Variants in CDK14 observed in about 807,000 individuals in gnomAD.
The protein encoded by CDK14 is cyclin dependent kinase 14, also known as cyclin-dependent kinase 14.
CDK14 carries 34 observed loss-of-function variants against 60.7 expected under a neutral mutation model. The ratio of observed to expected loss-of-function variants is 0.56; its 90% confidence interval spans 0.43 to 0.75. The LOEUF is 0.75. Ranked by LOEUF, CDK14 falls within the 30% of genes least tolerant of loss-of-function variation. The pLI is 0.00. For missense variants in CDK14, 482 were observed against 564.1 expected, an observed-to-expected ratio of 0.85 and a Z score of 1.47; for synonymous variants, 197 against 203.7, an observed-to-expected ratio of 0.97 and a Z score of 0.28.
chr7:91,129,520 G>A (rs1408086294), intron 14 of CDK14, among the ~76,000 whole-genome samples: 1 of 152,112 alleles, frequency 6.6e-6, no homozygotes, highest in Non-Finnish European at 1.5e-5. Context: ...GAAAACTCTT[G>A]TACAGTTGTT....
At chr7:90,611,499 C>T (rs1799537182) in intron 2 of CDK14, among the ~76,000 whole-genome samples, 1 of 152,230 alleles carries the variant, frequency 6.6e-6, no homozygotes, top group Admixed American at 6.5e-5. Context: ...AAGCTAAAAA[C>T]CTGATGCTAT....
intron 12 of CDK14, chr7:91,107,558 A>T (rs138747351): frequency 7.9e-5 from 12 of 152,284 alleles, no homozygotes; most frequent in African/African-American, 2.9e-4. Context: ...TTTCTTGGAG[A>T]GGCTAGTTGT....
intron 5 of CDK14, among the ~76,000 whole-genome samples, chr7:90,818,015 T>G (rs550706221): frequency 1.3e-5 from 2 of 152,272 alleles, no homozygotes; most frequent in East Asian, 3.9e-4. Context: ...AAAGCACAGC[T>G]CTTAACACTA....
intron 6 of CDK14, among the ~76,000 whole-genome samples, chr7:90,895,364 T>TCCCCTCCCCTCC (rs1792274740): frequency 1.3e-4 from 1 of 7,472 alleles, no homozygotes; most frequent in African/African-American, 4.2e-4. Context: ...TCCTCACCTC[T>TCCCCTCCCCTCC]CCTCCCCTCC....
chr7:90,743,207 A>G (rs989809666), intron 3 of CDK14, among the ~76,000 whole-genome samples: 2 of 152,138 alleles, frequency 1.3e-5, no homozygotes, highest in Non-Finnish European at 2.9e-5. Flanking sequence ...ACATATAGAT[A>G]GTAAAATGAT....
intron 9 of CDK14, among the ~76,000 whole-genome samples, chr7:90,967,491 G>A (rs1487970070): frequency 6.6e-6 from 1 of 152,140 alleles, no homozygotes; most frequent in Non-Finnish European, 1.5e-5. Flanking sequence ...TGATTAAATA[G>A]CGTAGTAATG....
intron 3 of CDK14, among the ~76,000 whole-genome samples, chr7:90,738,781 A>G (rs1181520713): frequency 6.6e-6 from 1 of 152,166 alleles, no homozygotes; most frequent in East Asian, 1.9e-4. Flanking sequence ...GGTTGACTAC[A>G]CCTTGGTTTG....
chr7:91,061,584 G>T (rs546317262), intron 11 of CDK14, among the ~76,000 whole-genome samples: 1 of 151,988 alleles, frequency 6.6e-6, no homozygotes, highest in African/African-American at 2.4e-5. Flanking sequence ...TTTTGGTGTG[G>T]GTGTCCTTTC....
At position 90,711,856 on chromosome 7, in the gene CDK14, G is replaced by A. The variant is rs1167658014; in HGVS notation, c.124-14711G>A. ...TGGTGAGTAAAACAGATCTAGTCCT[G>A]GTTCTTATGGAACTTATAGTCTACT... is the stretch of plus-strand genomic sequence containing the variant. On this transcript the variant is annotated intron_variant, in intron 2 of 14. Coordinates refer to ENST00000380050, the MANE Select transcript of CDK14 (RefSeq NM_001287135.2). Among the ~76,000 whole-genome samples the A allele has an allele frequency of 4.7e-5, 7 of 147,744 alleles. No homozygotes were observed. In the East Asian group the frequency reaches 9.9e-4, roughly 21 times the overall value.
chr7:90,985,661 A>G (rs918992417), intron 10 of CDK14, among the ~76,000 whole-genome samples: 13 of 152,308 alleles, frequency 8.5e-5, no homozygotes, highest in South Asian at 4.1e-4. Flanking sequence ...CCTTAATGTC[A>G]GCAATAAAAT....
At chr7:90,915,115 T>C (rs1024304335) in intron 7 of CDK14, among the ~76,000 whole-genome samples, 14 of 151,506 alleles carry the variant, frequency 9.2e-5, no homozygotes, top group African/African-American at 3.4e-4. Flanking sequence ...GCATGGAAAA[T>C]AGTAGGCAAA....
chr7:91,197,035 C>T (rs533611414), intron 14 of CDK14, among the ~76,000 whole-genome samples: 19 of 152,188 alleles, frequency 1.2e-4, no homozygotes, highest in African/African-American at 4.6e-4. Context: ...CATATTAATC[C>T]TGTTGTTCCT....
chr7:91,094,286 T>C (rs1022354665), intron 12 of CDK14, among the ~76,000 whole-genome samples: 1 of 152,236 alleles, frequency 6.6e-6, no homozygotes, highest in African/African-American at 2.4e-5. Context: ...TTTAAATTCT[T>C]CAATGAGGTT....
chr7:91,112,027 T>C (rs896258881), intron 12 of CDK14, among the ~76,000 whole-genome samples: 1 of 152,230 alleles, frequency 6.6e-6, no homozygotes, highest in African/African-American at 2.4e-5. Flanking sequence ...AATATTATGA[T>C]AGTTGATATT....
At chr7:90,807,867 G>A (rs1323619699) in intron 5 of CDK14, among the ~76,000 whole-genome samples, 5 of 152,178 alleles carry the variant, frequency 3.3e-5, no homozygotes, top group African/African-American at 1.2e-4. Flanking sequence ...GGGTATCAGT[G>A]ATGGAAGATC....
chr7:90,913,747 G>A (rs1562825726), intron 7 of CDK14, among the ~76,000 whole-genome samples: 1 of 152,164 alleles, frequency 6.6e-6, no homozygotes, highest in Non-Finnish European at 1.5e-5. Context: ...TAGGATAAGA[G>A]TTCAGTTAAT....
chr7:90,937,156 T>C (rs1793782439), intron 8 of CDK14, among the ~76,000 whole-genome samples: 1 of 152,158 alleles, frequency 6.6e-6, no homozygotes. Flanking sequence ...TGAGTAATAT[T>C]TAAGAATAAG....
chr7:90,650,800 G>C (rs1369840684), intron 2 of CDK14, among the ~76,000 whole-genome samples: 2 of 152,060 alleles, frequency 1.3e-5, no homozygotes, highest in Admixed American at 6.6e-5. Context: ...GGCCTCTGTT[G>C]TGTTCCATTA....
chr7:91,183,156 A>G (rs575061640), intron 14 of CDK14, among the ~76,000 whole-genome samples: 1 of 152,230 alleles, frequency 6.6e-6, no homozygotes, highest in Non-Finnish European at 1.5e-5. Flanking sequence ...CATTAATTTT[A>G]TGAGTAATTT....
Sources: allele counts gnomAD v4.1 joint callset (sites outside exome capture counted in the v4.1 genomes callset), GRCh38; gene constraint gnomAD v4.1.1; transcripts MANE v1.5; gene names NCBI Gene and HGNC (gene_info 2026-07-23, HGNC 2026-07-21).